CALU: variants seen among roughly 807,000 people sequenced by gnomAD.
The protein encoded by CALU is IEF SSP 9302.
A neutral mutation model predicts 37.5 loss-of-function variants in CALU; 13 were observed. The ratio of observed to expected loss-of-function variants is 0.35; its 90% CI spans 0.23 to 0.55. The LOEUF is 0.55. Among genes scored for constraint, CALU ranks in the 20% least tolerant of loss-of-function variants. CALU has a pLI of 0.89. For synonymous variants in CALU, 114 were observed against 133.8 expected, an observed-to-expected ratio of 0.85 and a Z score of 1.02; for missense variants, 282 against 391.7, an observed-to-expected ratio of 0.72 and a Z score of 2.36.
intron 1 of CALU, 173 bp from the exon 2 acceptor site, chr7:128,748,400 C>A: frequency 1.4e-6 from 2 of 1,440,284 alleles, no homozygotes; most frequent in South Asian, 1.3e-5. Flanking sequence ...ATTGAAGAGT[C>A]TGATATTCCA....
intron 1 of CALU, among the ~76,000 whole-genome samples, chr7:128,741,610 CAT>C (rs1444862824): frequency 6.6e-6 from 1 of 152,134 alleles, no homozygotes; most frequent in East Asian, 1.9e-4. Flanking sequence ...CTAGAGTGAT[CAT>C]AGTAGGTAGG....
At chr7:128,749,024 A>C (rs915170259) in intron 2 of CALU, among the ~76,000 whole-genome samples, 1 of 152,224 alleles carries the variant, frequency 6.6e-6, no homozygotes, top group Non-Finnish European at 1.5e-5. Flanking sequence ...ACAAAGCATC[A>C]TTTTTGCATA....
intron 5 of CALU, among the ~76,000 whole-genome samples, chr7:128,767,206 A>G (rs1265428397): frequency 1.3e-5 from 2 of 152,192 alleles, no homozygotes; most frequent in African/African-American, 4.8e-5. Context: ...TTCTGCATTT[A>G]TTAAGGTATA....
chr7:128,760,534 G>C (rs1585014943), intron 5 of CALU, among the ~76,000 whole-genome samples: 1 of 152,018 alleles, frequency 6.6e-6, no homozygotes, highest in East Asian at 1.9e-4. Context: ...CACATTTCAA[G>C]TGCTTAATAA....
At chr7:128,763,607 C>A (rs916555478) in intron 5 of CALU, among the ~76,000 whole-genome samples, 1 of 152,154 alleles carries the variant, frequency 6.6e-6, no homozygotes, top group Admixed American at 6.5e-5. Context: ...AATGCGCTTA[C>A]GTTGTAGTGT....
intron 1 of CALU, chr7:128,748,343 G>T: frequency 3.3e-6 from 5 of 1,493,910 alleles, no homozygotes; most frequent in Non-Finnish European, 4.5e-6. Flanking sequence ...TTTCTTATCA[G>T]CCTACAATCA....
intron 6 of CALU, among the ~76,000 whole-genome samples, chr7:128,768,412 C>T (rs1166824556): frequency 1.3e-5 from 2 of 152,068 alleles, no homozygotes; most frequent in South Asian, 4.1e-4. Flanking sequence ...TGTAGTCATC[C>T]CTATCTAGGA....
intron 5 of CALU, among the ~76,000 whole-genome samples, chr7:128,761,765 G>A (rs529891063): frequency 2.6e-5 from 4 of 152,218 alleles, no homozygotes; most frequent in African/African-American, 9.6e-5. Flanking sequence ...AGATAAGCCC[G>A]TTTGTTTTTA....
intron 3 of CALU, chr7:128,754,713 A>C: frequency 1.3e-6 from 2 of 1,549,526 alleles, no homozygotes; most frequent in South Asian, 2.4e-5. Flanking sequence ...GACTTATGGC[A>C]CTTACCTGGG....
intron 3 of CALU, among the ~76,000 whole-genome samples, chr7:128,756,156 A>G (rs1800875783): frequency 1.3e-5 from 2 of 152,182 alleles, no homozygotes; most frequent in African/African-American, 4.8e-5. Flanking sequence ...GAGACCCAAC[A>G]CCTTCCTGAT....
In CALU at chr7:128,771,996, T is replaced by G. The variant is rs966319254; in HGVS notation, c.*2829T>G. Among the ~76,000 whole-genome samples, 3 of 152,014 alleles carry G rather than the reference T, an allele frequency of 2.0e-5. No individual in the cohort carries two copies. The highest frequency in any genetic ancestry group is 7.2e-5 in the African/African-American group (3 of 41,428). Reference sequence around the variant, plus strand: ...AGGGGCTTGTGGACATGGCTGTTCCTGCCAAAGCTGTAGCAGTTATCCAAA... The same window carrying G: ...AGGGGCTTGTGGACATGGCTGTTCCGGCCAAAGCTGTAGCAGTTATCCAAA... On this transcript the variant is annotated 3_prime_UTR_variant, in exon 7 of 7. Coordinates refer to ENST00000249364, the MANE Select transcript of CALU (RefSeq NM_001219.5).
intron 1 of CALU, chr7:128,747,508 A>G (rs1486062201): frequency 6.6e-6 from 1 of 151,384 alleles, no homozygotes; most frequent in Non-Finnish European, 1.5e-5. Context: ...TTTACTCTAG[A>G]ACACTTTCCA....
intron 3 of CALU, chr7:128,754,713 A>G: frequency 6.5e-7 from 1 of 1,549,526 alleles, no homozygotes; most frequent in Non-Finnish European, 8.7e-7. Flanking sequence ...GACTTATGGC[A>G]CTTACCTGGG....
intron 2 of CALU, among the ~76,000 whole-genome samples, chr7:128,750,618 T>C (rs992015455): frequency 6.6e-6 from 1 of 152,252 alleles, no homozygotes; most frequent in African/African-American, 2.4e-5. Context: ...CAAATATCCC[T>C]ACTTTATACA....
At chr7:128,744,676 A>G (rs1584999547) in intron 1 of CALU, among the ~76,000 whole-genome samples, 2 of 152,112 alleles carry the variant, frequency 1.3e-5, no homozygotes, top group South Asian at 4.1e-4. Context: ...GACAGTGAGG[A>G]AGCAGAGGCA....
chr7:128,766,876 G>A (rs958868647), intron 5 of CALU, among the ~76,000 whole-genome samples: 1 of 152,216 alleles, frequency 6.6e-6, no homozygotes, highest in Non-Finnish European at 1.5e-5. Context: ...GTTGTGAAAG[G>A]GGGGAGATGG....
chr7:128,760,840 A>G (rs1264886727), intron 5 of CALU, among the ~76,000 whole-genome samples: 2 of 152,170 alleles, frequency 1.3e-5, no homozygotes, highest in African/African-American at 4.8e-5. Flanking sequence ...CCCAGGAGGC[A>G]GAGCTTGCAG....
chr7:128,750,550 G>GT (rs2128879024), intron 2 of CALU, among the ~76,000 whole-genome samples: 1 of 152,268 alleles, frequency 6.6e-6, no homozygotes, highest in Admixed American at 6.5e-5. Flanking sequence ...ATAAAATCAT[G>GT]TTTTTTATGG....
intron 2 of CALU, among the ~76,000 whole-genome samples, chr7:128,749,689 T>C (rs1167019226): frequency 6.6e-6 from 1 of 152,226 alleles, no homozygotes; most frequent in Non-Finnish European, 1.5e-5. Context: ...CTTTGGAAGA[T>C]GCTGCAGAAT....
Sources: gnomAD v4.1 joint callset for allele counts (sites outside exome capture counted in the v4.1 genomes callset) on GRCh38, gnomAD v4.1.1 for gene constraint, MANE v1.5 for transcripts, NCBI Gene and HGNC (gene_info 2026-07-23, HGNC 2026-07-21) for gene names.